KIF13A: variants seen among roughly 807,000 people sequenced by gnomAD.
The protein encoded by KIF13A is kinesin-like protein KIF13A.
A neutral mutation model predicts 212.2 loss-of-function variants in KIF13A; 79 were observed. That is an observed-to-expected ratio of 0.37 (90% CI 0.31 to 0.45). KIF13A has a LOEUF of 0.45. KIF13A is among the 20% of genes least tolerant of loss of function. The pLI, the probability that KIF13A is intolerant of heterozygous loss-of-function variation, is 1.00. For missense variants in KIF13A, 1,901 were observed against 2,209.0 expected (o/e 0.86, Z 2.79); for synonymous variants, 789 against 808.6 (o/e 0.98, Z 0.41).
chr6:17,943,892 G>C (rs895911927), intron 2 of KIF13A, among the ~76,000 whole-genome samples: 1 of 152,104 alleles, frequency 6.6e-6, no homozygotes, highest in South Asian at 2.1e-4. Context: ...AGTTAATGCA[G>C]TGAACTGGTT....
In KIF13A at chr6:17,951,549, A is replaced by G. The variant is rs1380510472; in HGVS notation, c.146+35505T>C. 1 of 422,290 alleles carries G rather than the reference A, an allele frequency of 2.4e-6. No homozygotes were observed. The highest frequency in any genetic ancestry group is 3.6e-5 in the East Asian group (1 of 28,168). 26.2% of individuals were successfully genotyped at this position (422,290 alleles called of 1,614,324 possible). On this transcript the variant is annotated intron_variant, in intron 2 of 38. Coordinates refer to ENST00000259711, the MANE Select transcript of KIF13A (RefSeq NM_022113.6). This position sits in a 1 kb window ranked among gnomAD's most constrained non-coding sequence, Gnocchi z 4.9. ...ATATTCACAGAGTTATGTGGCTATC[A>G]CCACAACTGCAGAACATTCTCAATA...
At chr6:17,774,910 A>G (rs988787555) in intron 35 of KIF13A, 105 bp downstream of exon 35, 2 of 734,476 alleles carry the variant, frequency 2.7e-6, no homozygotes, top group Admixed American at 3.2e-5. Flanking sequence ...TTTTAAACTG[A>G]CAGGATCAAC....
chr6:17,929,016 A>T (rs991573540), intron 2 of KIF13A, among the ~76,000 whole-genome samples: 2 of 148,712 alleles, frequency 1.3e-5, no homozygotes, highest in Non-Finnish European at 3.0e-5. Flanking sequence ...GCATTCCAGA[A>T]TGAGCTCATG....
At chr6:17,956,473 G>C (rs1158893125) in intron 2 of KIF13A, among the ~76,000 whole-genome samples, 1 of 152,190 alleles carries the variant, frequency 6.6e-6, no homozygotes, top group Non-Finnish European at 1.5e-5. Flanking sequence ...AACCAAGATG[G>C]AAACAAACCC....
In KIF13A at chr6:17,794,452, T is replaced by G; in HGVS notation, c.3076-57A>C. On this transcript the variant is annotated intron_variant, in intron 24 of 38. Transcript: ENST00000259711. This position sits in a 1 kb window ranked among gnomAD's most constrained non-coding sequence, Gnocchi z 4.1. ...GGAATGATAATGAAAAGGAACGGGA[T>G]AAAGAAGGGGAAAAGGATTAGAGAA... 1 of 1,577,712 alleles carries G rather than the reference T, an allele frequency of 6.3e-7. No homozygotes were observed. Among genetic ancestry groups the G allele is most frequent in the Non-Finnish European group, 8.6e-7 (1 of 1,156,108 alleles).
At position 17,984,556 on chromosome 6, in the gene KIF13A, T is replaced by A. The variant is rs1781380710; in HGVS notation, c.146+2498A>T. 1 of 984,398 alleles carries A rather than the reference T, an allele frequency of 1.0e-6. No individual in the cohort carries two copies. The highest frequency in any genetic ancestry group is 5.2e-4 in the Middle Eastern group (1 of 1,910). The allele number at this position is 984,398 out of a possible 1,614,324, so 61.0% of individuals were successfully genotyped here. A position where few individuals can be genotyped will look rare whatever the true frequency, so the allele number is the denominator to read the frequency against. On this transcript the variant is annotated intron_variant, in intron 2 of 38. Transcript: ENST00000259711. The surrounding 1 kb of genome is among the most constrained non-coding windows in gnomAD (Gnocchi z 5.0). ...CAGTCTTGGCTTTGGTTTTGTAAAA[T>A]GGGGAAACAATGAAAGCTGACCCCA...
At chr6:17,879,101 T>C (rs1581616218) in intron 3 of KIF13A, among the ~76,000 whole-genome samples, 1 of 152,334 alleles carries the variant, frequency 6.6e-6, no homozygotes, top group East Asian at 1.9e-4. Flanking sequence ...TTTTGTTGTA[T>C]TCTTTTCTCA....
At chr6:17,983,221 TATAA>T (rs1187876365) in intron 2 of KIF13A, among the ~76,000 whole-genome samples, 1 of 149,818 alleles carries the variant, frequency 6.7e-6, no homozygotes, top group African/African-American at 2.5e-5. Flanking sequence ...TTAAAAAATA[TATAA>T]ATACTTATTT....
chr6:17,778,863 G>A, intron 33 of KIF13A, 84 bp downstream of exon 33: 1 of 1,442,610 alleles, frequency 6.9e-7, no homozygotes, highest in Non-Finnish European at 9.5e-7. Context: ...GATTTAGTGA[G>A]GTGTTTGGTA....
chr6:17,955,376 C>G (rs1226977445), intron 2 of KIF13A, among the ~76,000 whole-genome samples: 4 of 152,214 alleles, frequency 2.6e-5, no homozygotes, highest in Middle Eastern at 3.2e-3. Flanking sequence ...TGCCTTCTTT[C>G]ATTTGTGAAG....
downstream of KIF13A, among the ~76,000 whole-genome samples, chr6:17,763,475 C>CAAAAAAAA (rs67357010): frequency 6.5e-4 from 49 of 75,460 alleles, no homozygotes; most frequent in African/African-American, 1.2e-3. Context: ...CACTCCATCT[C>CAAAAAAAA]AAAAAAAAAA....
At chr6:17,792,047 A>T (rs1438775647) in intron 25 of KIF13A, among the ~76,000 whole-genome samples, 1 of 152,064 alleles carries the variant, frequency 6.6e-6, no homozygotes, top group African/African-American at 2.4e-5. Context: ...TACTAAAAAT[A>T]CAAAAATTAG....
Position 17,808,923 on chromosome 6 carries a change from G to A in KIF13A, c.2008C>T (p.Leu670Phe). Residue 670 changes from leucine to phenylalanine, a missense_variant, in exon 18 of 39, where the codon CTC (leucine) becomes TTC (phenylalanine). Around this residue, in one of 5 missense-constraint regions of KIF13A, gnomAD observed 534 missense variants for 536.9 expected, o/e 0.99. Coordinates refer to ENST00000259711, the MANE Select transcript of KIF13A (RefSeq NM_022113.6). Reference sequence around the variant, plus strand: ...AGTTTTGCCAGGCTTTGTCGGAAGAGTTCATCCCTGCAGTGTCATAGAAAA... The same window carrying A: ...AGTTTTGCCAGGCTTTGTCGGAAGAATTCATCCCTGCAGTGTCATAGAAAA... ...VTQWAEERDE[L>F]FRQSLAKLRE... The A allele has an allele frequency of 6.2e-7, 1 of 1,611,338 alleles. No homozygotes were observed. Among genetic ancestry groups the A allele is most frequent in the African/African-American group, 1.3e-5 (1 of 74,990 alleles).
In KIF13A at chr6:17,771,837, T is replaced by C. The variant is rs1759523602; in HGVS notation, c.4476+71A>G. 2.0e-6 allele frequency: 3 copies of C among 1,465,560 alleles called. No homozygotes were observed. In the Admixed American group the frequency reaches 5.4e-5, roughly 26 times the overall value. The allele number at this position is 1,465,560 out of a possible 1,614,324, so 90.8% of individuals were successfully genotyped here. A position where few individuals can be genotyped will look rare whatever the true frequency, so the allele number is the denominator to read the frequency against. ...CCACATGCAGCACTCAGCTTGTTAATGCACACTGCTGCTTCACAGGTGACA... is the reference window on the plus strand; with the variant it reads ...CCACATGCAGCACTCAGCTTGTTAACGCACACTGCTGCTTCACAGGTGACA... On this transcript the variant is annotated intron_variant, in intron 37 of 38. Coordinates refer to ENST00000259711, the MANE Select transcript of KIF13A (RefSeq NM_022113.6). The surrounding 1 kb of genome is among the most constrained non-coding windows in gnomAD (Gnocchi z 5.4).
intron 25 of KIF13A, among the ~76,000 whole-genome samples, chr6:17,790,242 A>C (rs1314555205): frequency 6.6e-6 from 1 of 152,070 alleles, no homozygotes; most frequent in East Asian, 1.9e-4. Context: ...ATCTGTACAA[A>C]AAATTTTAAA....
chr6:17,904,061 G>A (rs1468054716), intron 2 of KIF13A, among the ~76,000 whole-genome samples: 1 of 152,074 alleles, frequency 6.6e-6, no homozygotes, highest in Non-Finnish European at 1.5e-5. Context: ...GGAGCCTGAG[G>A]CAGAAGGATC....
Position 17,786,805 on chromosome 6 carries a change from T to C in KIF13A, c.3361+971A>G, listed in dbSNP as rs1463536476. 3.3e-5 allele frequency among the ~76,000 whole-genome samples: 5 copies of C among 152,122 alleles called. No homozygotes were observed. Among genetic ancestry groups the C allele is most frequent in the Admixed American group, 3.3e-4 (5 of 15,268 alleles). On this transcript the variant is annotated intron_variant, in intron 27 of 38. Coordinates refer to ENST00000259711, the MANE Select transcript of KIF13A (RefSeq NM_022113.6). This position sits in a 1 kb window ranked among gnomAD's most constrained non-coding sequence, Gnocchi z 5.4. Reference sequence around the variant, plus strand: ...AGCACACACACAAGGCGACATCACATGTTGAGCCAAGGTGTTTTCCTGAGG... The same window carrying C: ...AGCACACACACAAGGCGACATCACACGTTGAGCCAAGGTGTTTTCCTGAGG...
intron 2 of KIF13A, among the ~76,000 whole-genome samples, chr6:17,922,928 CAT>C (rs989902836): frequency 5.9e-5 from 9 of 151,822 alleles, no homozygotes; most frequent in East Asian, 2.0e-4. Context: ...CCAGCCTGCA[CAT>C]ATGTTTTACG....
At chr6:17,913,259 G>A (rs2150507810) in intron 2 of KIF13A, among the ~76,000 whole-genome samples, 1 of 152,236 alleles carries the variant, frequency 6.6e-6, no homozygotes, top group Admixed American at 6.5e-5. Flanking sequence ...TCCCAGGACG[G>A]ATTCTGAAAC....
Sources: gnomAD v4.1 joint callset for allele counts (sites outside exome capture counted in the v4.1 genomes callset) on GRCh38, gnomAD v4.1.1 for gene constraint, gnomAD v4.1.1 regional missense constraint, Gnocchi (gnomAD v3.1) non-coding constraint, MANE v1.5 for transcripts, NCBI Gene and HGNC (gene_info 2026-07-23, HGNC 2026-07-21) for gene names.